The following PPP1R9A variants were observed in gnomAD, a reference collection of about 807,000 sequenced individuals.
PPP1R9A encodes neurabin-1.
A neutral mutation model predicts 141.9 loss-of-function variants in PPP1R9A; 59 were observed. That is an observed-to-expected ratio of 0.42 (90% confidence interval 0.34 to 0.52). The LOEUF is 0.52. Ranked by LOEUF, PPP1R9A falls within the 20% of genes least tolerant of loss-of-function variation. The pLI, the probability that PPP1R9A is intolerant of heterozygous loss-of-function variation, is 0.10. For synonymous variants in PPP1R9A, 500 were observed against 569.7 expected, an observed-to-expected ratio of 0.88 and a Z score of 1.74; for missense variants, 1,444 against 1,611.9, an observed-to-expected ratio of 0.90 and a Z score of 1.78.
chr7:95,269,334 T>C lies in PPP1R9A; in HGVS notation c.2951T>C (p.Phe984Ser). The C allele has an allele frequency of 6.3e-7, 1 of 1,598,650 alleles. No individual in the cohort carries two copies. The highest frequency in any genetic ancestry group is 8.5e-7 in the Non-Finnish European group (1 of 1,179,468). ...ACCCCGGTGGATAGCAATGTGCCCT[T>C]CTCGTCTGACCACATAGCTGAATTT... ...PLTPVDSNVP[F>S]SSDHIAEFQE... The change falls in exon 14 of 20, where the codon TTC becomes TCC. Residue 984 changes from phenylalanine (F) to serine (S), a missense_variant. Phe to Ser is a radical substitution (Grantham distance 155). Coordinates refer to ENST00000433360, the MANE Select transcript of PPP1R9A (RefSeq NM_001166160.2).
At position 95,290,439 on chromosome 7, in the gene PPP1R9A, G is replaced by A. The variant is rs1042076885; in HGVS notation, c.*136G>A. 2 of 967,528 alleles carry A rather than the reference G, an allele frequency of 2.1e-6. No homozygotes were observed. The highest frequency in any genetic ancestry group is 2.9e-5 in the Admixed American group (1 of 34,282). 59.9% of individuals were successfully genotyped at this position (967,528 alleles called of 1,614,324 possible). ...CTCTAGGCCGGCTGAGGAACTGTGTGTTGAATAACTGCATTTTCTGCAATA... is the reference window on the plus strand; with the variant it reads ...CTCTAGGCCGGCTGAGGAACTGTGTATTGAATAACTGCATTTTCTGCAATA... On this transcript the variant is annotated 3_prime_UTR_variant, in exon 20 of 20. Transcript: ENST00000433360.
chr7:95,266,900 C>T (rs777382299), intron 12 of PPP1R9A, among the ~76,000 whole-genome samples: 4 of 152,024 alleles, frequency 2.6e-5, no homozygotes, highest in Non-Finnish European at 2.9e-5. Flanking sequence ...TAGATTTTAT[C>T]GGAAGGAGGA....
At chr7:95,077,986 T>TC (rs1163662159) in intron 2 of PPP1R9A, among the ~76,000 whole-genome samples, 6 of 148,834 alleles carry the variant, frequency 4.0e-5, no homozygotes, top group Non-Finnish European at 8.8e-5. Flanking sequence ...GTTTTTTTTT[T>TC]TTTTAATTAT....
At chr7:94,986,002 A>T (rs1357571563) in intron 2 of PPP1R9A, among the ~76,000 whole-genome samples, 3 of 152,192 alleles carry the variant, frequency 2.0e-5, no homozygotes, top group Non-Finnish European at 4.4e-5. Context: ...GTGAGTTTGC[A>T]CAAGTTTTAA....
intron 5 of PPP1R9A, among the ~76,000 whole-genome samples, chr7:95,164,809 G>A (rs1210703171): frequency 1.7e-5 from 1 of 58,314 alleles, no homozygotes; most frequent in South Asian, 4.9e-4. Context: ...TCTATTTTCT[G>A]TTTTTATTTC....
chr7:95,136,613 CAT>C (rs1334352245), intron 4 of PPP1R9A, among the ~76,000 whole-genome samples: 2 of 152,018 alleles, frequency 1.3e-5, no homozygotes, highest in Non-Finnish European at 2.9e-5. Context: ...AAGAGAATGG[CAT>C]ATACATAATG....
intron 2 of PPP1R9A, among the ~76,000 whole-genome samples, chr7:94,986,859 G>A (rs893286241): frequency 5.9e-5 from 9 of 152,158 alleles, no homozygotes; most frequent in African/African-American, 2.2e-4. Context: ...ACTTTGTTTT[G>A]TCTTTTTTAT....
At chr7:95,125,956 T>C (rs1823492717) in intron 4 of PPP1R9A, among the ~76,000 whole-genome samples, 1 of 152,192 alleles carries the variant, frequency 6.6e-6, no homozygotes, top group Non-Finnish European at 1.5e-5. Flanking sequence ...CCCTTCAGCC[T>C]AAGAGAACCC....
At chr7:95,207,503 A>G (rs1791081479) in intron 7 of PPP1R9A, among the ~76,000 whole-genome samples, 1 of 152,202 alleles carries the variant, frequency 6.6e-6, no homozygotes. Context: ...AAGGTCCTAA[A>G]CAAAATATTA....
At chr7:95,127,519 T>TA (rs1000828785) in intron 4 of PPP1R9A, among the ~76,000 whole-genome samples, 21 of 151,628 alleles carry the variant, frequency 1.4e-4, no homozygotes, top group East Asian at 5.8e-4. Context: ...TTTTTTTTTT[T>TA]AAACTTTTAT....
chr7:94,910,465 T>C lies in PPP1R9A; in HGVS notation c.352T>C (p.Ser118Pro). Residue 118 changes from serine to proline, a missense_variant, in exon 2 of 20, where the codon TCT (serine) becomes CCT (proline). This residue lies in a region of PPP1R9A where 490 missense variants were observed against 521.1 expected (regional missense o/e 0.94). Transcript: ENST00000433360. This position sits in a 1 kb window ranked among gnomAD's most constrained non-coding sequence, Gnocchi z 4.5. ...KTDGSVVKLE[S>P]SVSERISRFD... ...AGATGGCTCAGTTGTTAAGTTGGAG[T>C]CTTCTGTTTCTGAACGAATTAGTAG... The C allele has an allele frequency of 6.2e-7, 1 of 1,613,996 alleles. No homozygotes were observed. The highest frequency in any genetic ancestry group is 8.5e-7 in the Non-Finnish European group (1 of 1,180,014).
chr7:95,010,672 C>T (rs1265567838), intron 2 of PPP1R9A, among the ~76,000 whole-genome samples: 1 of 152,070 alleles, frequency 6.6e-6, no homozygotes, highest in Non-Finnish European at 1.5e-5. Context: ...AGTAGGCCTT[C>T]AGGCAGTTTT....
chr7:95,026,100 A>G (rs1449892253), intron 2 of PPP1R9A, among the ~76,000 whole-genome samples: 1 of 151,938 alleles, frequency 6.6e-6, no homozygotes, highest in African/African-American at 2.4e-5. Flanking sequence ...CTCATTCTCC[A>G]TTCAGTTTTG....
chr7:95,059,011 A>T (rs1321649969), intron 2 of PPP1R9A, among the ~76,000 whole-genome samples: 1 of 152,088 alleles, frequency 6.6e-6, no homozygotes, highest in East Asian at 1.9e-4. Context: ...GCTGGTCTCG[A>T]ACTCCTGACC....
rs1806171657 is a variant in PPP1R9A, at chr7:95,290,294, T to A, written c.4116T>A (p.Gly1372=). The change falls in exon 20 of 20, where the codon GGT becomes GGA. Residue 1372 remains glycine (G), a synonymous_variant. Coordinates refer to ENST00000433360, the MANE Select transcript of PPP1R9A (RefSeq NM_001166160.2). ...KMTSTTAEGA[G]EQ ...CGTCAACTACAGCCGAGGGTGCTGGTGAGCAGTAACACATACCCTCTTACA... is the reference window on the plus strand; with the variant it reads ...CGTCAACTACAGCCGAGGGTGCTGGAGAGCAGTAACACATACCCTCTTACA... The A allele has an allele frequency of 6.2e-7, 1 of 1,609,468 alleles. No homozygotes were observed. Among genetic ancestry groups the A allele is most frequent in the Non-Finnish European group, 8.5e-7 (1 of 1,177,716 alleles).
chr7:95,260,423 C>T (rs1177101628), intron 12 of PPP1R9A, among the ~76,000 whole-genome samples: 1 of 152,108 alleles, frequency 6.6e-6, no homozygotes, highest in Non-Finnish European at 1.5e-5. Context: ...TCATGCCTGT[C>T]TTCCCAGCAC....
intron 4 of PPP1R9A, among the ~76,000 whole-genome samples, chr7:95,124,572 G>A (rs1183776580): frequency 2.6e-5 from 4 of 152,130 alleles, no homozygotes; most frequent in South Asian, 2.1e-4. Flanking sequence ...TTTTCACCCC[G>A]AGGAAATTAC....
intron 18 of PPP1R9A, among the ~76,000 whole-genome samples, chr7:95,287,691 C>A (rs1805604293): frequency 2.0e-5 from 3 of 152,044 alleles, no homozygotes; most frequent in Admixed American, 2.0e-4. Flanking sequence ...TTCCTTGTTT[C>A]TTTTTTTGTT....
chr7:95,092,346 C>G (rs75116245), intron 2 of PPP1R9A, among the ~76,000 whole-genome samples: 2 of 139,660 alleles, frequency 1.4e-5, no homozygotes, highest in African/African-American at 5.2e-5. Context: ...ATACTACACG[C>G]TTTTTTTTTT....
Sources: allele counts gnomAD v4.1 joint callset (sites outside exome capture counted in the v4.1 genomes callset), GRCh38; gene constraint gnomAD v4.1.1; regional missense constraint gnomAD v4.1.1; non-coding constraint Gnocchi (gnomAD v3.1); transcripts MANE v1.5; gene names NCBI Gene and HGNC (gene_info 2026-07-23, HGNC 2026-07-21).